The following ARHGAP6 variants were observed in gnomAD, a reference collection of about 807,000 sequenced individuals.
The protein encoded by ARHGAP6 is Rho GTPase activating protein 6.
Under a neutral mutation model 55.7 loss-of-function variants are expected in ARHGAP6, and 16 were observed. That is an observed-to-expected ratio of 0.29 (90% CI 0.19 to 0.44). The LOEUF is 0.44. ARHGAP6 is among the 20% of genes least tolerant of loss of function. The probability of loss-of-function intolerance (pLI) is 1.00; values close to 1 mark genes in which losing one functional copy is unlikely to be tolerated. For missense variants in ARHGAP6, 698 were observed against 808.9 expected (o/e 0.86, Z 1.66); for synonymous variants, 382 against 360.9 (o/e 1.06, Z -0.66).
At chrX:11,626,308 A>G (rs1180675190) in intron 1 of ARHGAP6, among the ~76,000 whole-genome samples, 1 of 112,063 alleles carries the variant, frequency 8.9e-6, no homozygotes, top group Admixed American at 9.5e-5. Flanking sequence ...CATCAGAGAA[A>G]TTCAATTGTC....
intron 1 of ARHGAP6, among the ~76,000 whole-genome samples, chrX:11,651,807 T>C (rs922523779): frequency 8.9e-6 from 1 of 111,800 alleles, no homozygotes; most frequent in African/African-American, 3.2e-5. Context: ...TCTGTTATTT[T>C]TTTACTTTTT....
At chrX:11,537,005 C>T (rs940237856) in intron 1 of ARHGAP6, among the ~76,000 whole-genome samples, 1 of 112,347 alleles carries the variant, frequency 8.9e-6, no homozygotes, top group Admixed American at 9.5e-5. Context: ...AGCATAGATT[C>T]TCTTTCCACA....
intron 2 of ARHGAP6, among the ~76,000 whole-genome samples, chrX:11,237,987 A>G (rs757946579): frequency 9.0e-6 from 1 of 111,504 alleles, no homozygotes; most frequent in Non-Finnish European, 1.9e-5. Flanking sequence ...GCACCCCACC[A>G]CTGTTGTGAC....
intron 1 of ARHGAP6, among the ~76,000 whole-genome samples, chrX:11,405,670 T>A (rs1375868864): frequency 8.9e-6 from 1 of 112,119 alleles, no homozygotes; most frequent in Non-Finnish European, 1.9e-5. Flanking sequence ...AATCAATTTC[T>A]ACTTCAGTTT....
intron 1 of ARHGAP6, among the ~76,000 whole-genome samples, chrX:11,336,478 C>G (rs1341358873): frequency 9.0e-6 from 1 of 111,635 alleles, no homozygotes; most frequent in African/African-American, 3.3e-5. Flanking sequence ...CGCTGGCACT[C>G]TCTCACCAAA....
chrX:11,594,786 C>G (rs2147135903), intron 1 of ARHGAP6, among the ~76,000 whole-genome samples: 1 of 112,066 alleles, frequency 8.9e-6, no homozygotes, highest in East Asian at 2.8e-4. Context: ...GGATGCTGTT[C>G]TAATTGCTTC....
rs2050685197 is a variant in ARHGAP6 at position 11,502,023 on chromosome X, A to G, written c.588+162218T>C. Among the ~76,000 whole-genome samples the G allele has an allele frequency of 2.7e-5, 3 of 112,336 alleles. No homozygotes were observed. The Admixed American group carries it at 2.8e-4, about 11-fold the overall frequency. On this transcript the variant is annotated intron_variant, in intron 1 of 12. Coordinates refer to ENST00000337414, the MANE Select transcript of ARHGAP6 (RefSeq NM_013427.3). ...AGCCTCAGCAATTTCATTTCCAGGTATAGACACATGCAATACACAAGTGTG... is the reference window on the plus strand; with the variant it reads ...AGCCTCAGCAATTTCATTTCCAGGTGTAGACACATGCAATACACAAGTGTG...
At position 11,664,987 on chromosome X, in the gene ARHGAP6, G is replaced by A; in HGVS notation, c.-159C>T. The A allele has an allele frequency of 2.1e-6, 1 of 471,692 alleles. No individual in the cohort carries two copies. The highest frequency in any genetic ancestry group is 3.3e-6 in the Non-Finnish European group (1 of 299,446). 38.9% of individuals were successfully genotyped at this position (471,692 alleles called of 1,213,427 possible). On this transcript the variant is annotated 5_prime_UTR_variant, in exon 1 of 13. Coordinates refer to ENST00000337414, the MANE Select transcript of ARHGAP6 (RefSeq NM_013427.3). ...AGCAAAGCCCAGCTCACGCGCCGCC[G>A]GTGCGCTCCAAGTGCCCCGGCGGCG...
rs1296510058 is a variant in ARHGAP6, at chrX:11,664,606, G to T, written c.223C>A (p.Leu75Ile). 11 of 1,172,719 alleles carry T rather than the reference G, an allele frequency of 9.4e-6. No individual in the cohort carries two copies. The highest frequency in any genetic ancestry group is 2.3e-4 in the Middle Eastern group (1 of 4,257). The part of the protein sequence containing the change: ...LYSPSLPAES[L>I]GPRLASSSRG... ...GAAGAGGACGCCAAGCGAGGGCCGA[G>T]ACTCTCGGCTGGGAGTGATGGGGAG... The change falls in exon 1 of 13, where the codon CTC becomes ATC. Residue 75 changes from leucine to isoleucine, a missense_variant. Leu to Ile is a conservative substitution (Grantham distance 5). This residue lies in a region of ARHGAP6 where 164 missense variants were observed against 149.2 expected (regional missense o/e 1.10). Transcript: ENST00000337414.
chrX:11,661,939 G>A (rs1295293643), intron 1 of ARHGAP6, among the ~76,000 whole-genome samples: 1 of 112,012 alleles, frequency 8.9e-6, no homozygotes, highest in African/African-American at 3.3e-5. Flanking sequence ...GAGGCCAGGG[G>A]TGCTGCTAAA....
At chrX:11,478,595 G>T (rs1483065898) in intron 1 of ARHGAP6, among the ~76,000 whole-genome samples, 1 of 111,217 alleles carries the variant, frequency 9.0e-6, no homozygotes, top group Non-Finnish European at 1.9e-5. Context: ...CTTAATCTGG[G>T]TAATGGCCAT....
chrX:11,612,039 G>A (rs756193487), intron 1 of ARHGAP6, among the ~76,000 whole-genome samples: 79 of 112,000 alleles, frequency 7.1e-4, no homozygotes, highest in Middle Eastern at 4.6e-3. Context: ...CACATTCTTG[G>A]TTTTAAGTAA....
chrX:11,394,186 C>T (rs1052344588), intron 1 of ARHGAP6, among the ~76,000 whole-genome samples: 1 of 112,060 alleles, frequency 8.9e-6, no homozygotes, highest in Non-Finnish European at 1.9e-5. Context: ...CCTCACATAT[C>T]CTATAAATCT....
At position 11,442,588 on chromosome X, in the gene ARHGAP6, G is replaced by A. The variant is rs189962078; in HGVS notation, c.589-187881C>T. Among the ~76,000 whole-genome samples, 956 of 111,764 alleles carry A rather than the reference G, an allele frequency of 8.6e-3. 2 individuals are homozygous for A. The highest frequency in any genetic ancestry group is 0.023 in the Middle Eastern group (5 of 218). ...AATCCTTCCAAATTGCCTTCTTAGG[G>A]TCCATAAATTCCACATTCAGCTTCT... On this transcript the variant is annotated intron_variant, in intron 1 of 12. Transcript: ENST00000337414.
chrX:11,385,842 T>A (rs2049321975), intron 1 of ARHGAP6, among the ~76,000 whole-genome samples: 1 of 112,085 alleles, frequency 8.9e-6, no homozygotes, highest in South Asian at 3.7e-4. Context: ...GATAAAAAAA[T>A]GAGATATATA....
chrX:11,650,854 T>C (rs1477859448), intron 1 of ARHGAP6, among the ~76,000 whole-genome samples: 1 of 112,550 alleles, frequency 8.9e-6, no homozygotes, highest in Non-Finnish European at 1.9e-5. Flanking sequence ...TATCACACTT[T>C]GTGACCTTCA....
intron 1 of ARHGAP6, among the ~76,000 whole-genome samples, chrX:11,547,998 T>A (rs2051227908): frequency 9.0e-6 from 1 of 110,721 alleles, no homozygotes; most frequent in African/African-American, 3.3e-5. Context: ...TGGTTCCCAC[T>A]CTGGGCTGCA....
chrX:11,385,846 A>T (rs1329588744), intron 1 of ARHGAP6, among the ~76,000 whole-genome samples: 1 of 112,186 alleles, frequency 8.9e-6, no homozygotes, highest in Non-Finnish European at 1.9e-5. Flanking sequence ...AAAAAATGAG[A>T]TATATAAATT....
intron 1 of ARHGAP6, among the ~76,000 whole-genome samples, chrX:11,408,430 G>T (rs941820045): frequency 9.0e-6 from 1 of 111,648 alleles, no homozygotes; most frequent in Non-Finnish European, 1.9e-5. Context: ...TAACAGAGAA[G>T]GGCAACAAAG....
Sources: gnomAD v4.1 joint callset for allele counts (sites outside exome capture counted in the v4.1 genomes callset) on GRCh38, gnomAD v4.1.1 for gene constraint, gnomAD v4.1.1 regional missense constraint, MANE v1.5 for transcripts, NCBI Gene and HGNC (gene_info 2026-07-23, HGNC 2026-07-21) for gene names.